DNPEP: variants seen among roughly 807,000 people sequenced by gnomAD.
The protein encoded by DNPEP is aspartyl aminopeptidase.
DNPEP carries 46 observed loss-of-function variants against 59.1 expected under a neutral mutation model. The observed-to-expected ratio is 0.78, with a 90% CI of 0.61 to 0.99. The LOEUF is 0.99. Among genes scored for constraint, DNPEP ranks in the 50% least tolerant of loss-of-function variants. DNPEP has a pLI of 0.00. For missense variants in DNPEP, 617 were observed against 649.9 expected (o/e 0.95, Z 0.55); for synonymous variants, 229 against 242.2 (o/e 0.95, Z 0.50).
intron 13 of DNPEP, 128 bp from the exon 14 acceptor site, chr2:219,375,150 G>T: frequency 1.0e-6 from 1 of 985,526 alleles, no homozygotes; most frequent in Non-Finnish European, 1.5e-6. Flanking sequence ...TAAAATCAAA[G>T]CCAATGCTAA....
chr2:219,387,083 G>A lies in DNPEP; in HGVS notation c.117C>T (p.Pro39=), dbSNP rs1274846773. The change falls in exon 2 of 15, where the codon CCC becomes CCT. Residue 39 remains proline, a synonymous_variant. Coordinates refer to ENST00000273075, the MANE Select transcript of DNPEP (RefSeq NM_012100.4). ...KELLKFVNRS[P]SPFHAVAECR... is the part of the protein sequence containing the mutation. ...GCCACCGCTTACCATGGAAAGGAGA[G>A]GGACTCCGGTTCACGAACTTGAGGA... The A allele has an allele frequency of 3.1e-6, 5 of 1,600,524 alleles. No individual in the cohort carries two copies. The highest frequency in any genetic ancestry group is 4.3e-6 in the Non-Finnish European group (5 of 1,172,848).
Position 219,386,111 on chromosome 2 carries a change from AG to A in DNPEP, c.460-14del. 6.2e-6 allele frequency: 10 copies of A among 1,613,280 alleles called. No homozygotes were observed. Among genetic ancestry groups the A allele is most frequent in the Non-Finnish European group, 8.5e-6 (10 of 1,179,434 alleles). ...CTGAGGTAGGGCACTGCAGCCAGCC[AG>A]GCCAGGTCAGCCCAGGGTGCCTCCT... On this transcript the variant is annotated splice_polypyrimidine_tract_variant and intron_variant, in intron 5 of 14. Transcript: ENST00000273075.
chr2:219,392,214 G>A (rs6751850), upstream of DNPEP, among the ~76,000 whole-genome samples: 150,183 of 152,348 alleles, frequency 0.99, 74,058 homozygotes, highest in East Asian at 1. Flanking sequence ...GGAAGATCTC[G>A]GCTGATGTTT....
rs116171690 is a variant in DNPEP at position 219,380,546 on chromosome 2, T to C, written c.1239+789A>G. Among the ~76,000 whole-genome samples the C allele has an allele frequency of 9.8e-3, 1,497 of 152,198 alleles. 10 individuals are homozygous for C. Among genetic ancestry groups the C allele is most frequent in the African/African-American group, 0.015 (607 of 41,538 alleles). On this transcript the variant is annotated intron_variant, in intron 13 of 14. Transcript: ENST00000273075. ...CTTCTGTACCTTTTCTATGTTTAGA[T>C]ACACTGACCATTTTGTTACAGTTAC...
intron 1 of DNPEP, among the ~76,000 whole-genome samples, chr2:219,397,200 C>CCCCCT (rs908426073): frequency 1.3e-5 from 2 of 151,390 alleles, no homozygotes; most frequent in East Asian, 3.9e-4. Flanking sequence ...CAGAGCCAGC[C>CCCCCT]CCCCTCCCCT....
At chr2:219,379,391 G>A (rs1559332973) in intron 13 of DNPEP, among the ~76,000 whole-genome samples, 1 of 152,178 alleles carries the variant, frequency 6.6e-6, no homozygotes, top group South Asian at 2.1e-4. Flanking sequence ...GTGGAAGACA[G>A]GGACATTGAT....
Position 219,382,064 on chromosome 2 carries a change from G to A in DNPEP, c.1012C>T (p.Gln338Ter), listed in dbSNP as rs778831010. The A allele has an allele frequency of 1.2e-6, 2 of 1,614,126 alleles. No homozygotes were observed. Among genetic ancestry groups the A allele is most frequent in the Non-Finnish European group, 1.7e-6 (2 of 1,180,042 alleles). Residue 338 changes from glutamine to a stop codon, truncating the protein, a stop_gained, in exon 11 of 15, where the codon CAG becomes TAG. Coordinates refer to ENST00000273075, the MANE Select transcript of DNPEP (RefSeq NM_012100.4). LOFTEE classifies it high-confidence loss of function. The part of the protein sequence containing the change: ...LVLRRISASC[Q>*]HPTAFEEAIP... Reference sequence around the variant, plus strand: ...GCTTCCTCGAAGGCTGTCGGGTGCTGGCACGAGGCTGAGATCCGCCGCAGC... The same window carrying A: ...GCTTCCTCGAAGGCTGTCGGGTGCTAGCACGAGGCTGAGATCCGCCGCAGC...
At chr2:219,383,055 A>T in intron 10 of DNPEP, 76 bp downstream of exon 10, 1 of 1,406,950 alleles carries the variant, frequency 7.1e-7, no homozygotes, top group Non-Finnish European at 1.0e-6. Flanking sequence ...GCCCTGGCTC[A>T]CGGTGGATGC....
At chr2:219,394,729 C>A (rs1176284073) in intron 1 of DNPEP, among the ~76,000 whole-genome samples, 1 of 152,212 alleles carries the variant, frequency 6.6e-6, no homozygotes, top group Non-Finnish European at 1.5e-5. Context: ...GATATCTCTT[C>A]TGAACTATAT....
At position 219,377,951 on chromosome 2, in the gene DNPEP, AC is replaced by A. The variant is rs200521375; in HGVS notation, c.1240-2930del. ...TTTTAAAAAAACATTAAAAAAAAAAACCAAACTCAAATAGAAAGGTGAAGAT... is the reference window on the plus strand; with the variant it reads ...TTTTAAAAAAACATTAAAAAAAAAAACAAACTCAAATAGAAAGGTGAAGAT... On this transcript the variant is annotated intron_variant, in intron 13 of 14. Transcript: ENST00000273075. Among the ~76,000 whole-genome samples the A allele has an allele frequency of 7.2e-3, 1,049 of 146,138 alleles. 10 individuals are homozygous for A. Among genetic ancestry groups the A allele is most frequent in the Middle Eastern group, 0.017 (5 of 290 alleles).
At chr2:219,381,622 G>T (rs1953606354) in intron 11 of DNPEP, 38 bp from the exon 12 acceptor site, 1 of 1,609,292 alleles carries the variant, frequency 6.2e-7, no homozygotes, top group African/African-American at 1.3e-5. Flanking sequence ...TAGCAAACAG[G>T]AGCAGGCCTG....
At position 219,387,109 on chromosome 2, in the gene DNPEP, G is replaced by A; in HGVS notation, c.91C>T (p.Leu31Phe). The change falls in exon 2 of 15, where the codon CTC becomes TTC. Residue 31 changes from leucine to phenylalanine, a missense_variant. Leu to Phe is a conservative substitution (Grantham distance 22). Transcript: ENST00000273075. ...GGACTCCGGTTCACGAACTTGAGGA[G>A]TTCCTTAGCCGCAGTCTGCACCGCC... ...KEAVQTAAKE[L>F]LKFVNRSPSP... The A allele has an allele frequency of 1.9e-6, 3 of 1,584,360 alleles. No individual in the cohort carries two copies. The highest frequency in any genetic ancestry group is 2.6e-6 in the Non-Finnish European group (3 of 1,163,874).
chr2:219,394,672 T>C (rs1372974166), intron 1 of DNPEP, among the ~76,000 whole-genome samples: 1 of 152,242 alleles, frequency 6.6e-6, no homozygotes, highest in Non-Finnish European at 1.5e-5. Context: ...TGACTTTAAA[T>C]AGTATCCATA....
chr2:219,395,938 T>C (rs913958567), intron 1 of DNPEP, among the ~76,000 whole-genome samples: 1 of 152,240 alleles, frequency 6.6e-6, no homozygotes. Context: ...AAACACTTAC[T>C]GAATTAAAGA....
In DNPEP at chr2:219,386,381, C is replaced by T. The variant is rs1410239979; in HGVS notation, c.364G>A (p.Gly122Ser). ...VKRRSRRSQV[G>S]FQQVGVETYG... ...GTCTCCACACCGACTTGCTGGAAGC[C>T]CACCTGGCTGCGGCGAGACCGACGT... The change falls in exon 5 of 15, where the codon GGC (glycine) becomes AGC (serine). Residue 122 changes from glycine to serine, a missense_variant. Physicochemically the swap from Gly to Ser is moderately conservative, Grantham distance 56. Coordinates refer to ENST00000273075, the MANE Select transcript of DNPEP (RefSeq NM_012100.4). 5.0e-6 allele frequency: 8 copies of T among 1,614,186 alleles called. No individual in the cohort carries two copies. The highest frequency in any genetic ancestry group is 1.1e-5 in the South Asian group (1 of 91,088).
rs1458436308 is a variant in DNPEP, at chr2:219,381,670, T to C, written c.1098-86A>G. 17 of 1,413,466 alleles carry C rather than the reference T, an allele frequency of 1.2e-5. No individual in the cohort carries two copies. The African/African-American group carries it at 1.7e-4, about 14-fold the overall frequency. The allele number at this position is 1,413,466 out of a possible 1,614,324, so 87.6% of individuals were successfully genotyped here. ...ACCCTCCCATGGCAGACATCACTAA[T>C]AGATCACCACTCTTTCCCGCCCAGC... is the stretch of plus-strand genomic sequence containing the variant. On this transcript the variant is annotated intron_variant, in intron 11 of 14. Coordinates refer to ENST00000273075, the MANE Select transcript of DNPEP (RefSeq NM_012100.4).
chr2:219,399,454 T>C (rs751809364), intron 1 of DNPEP: 4 of 460,662 alleles, frequency 8.7e-6, no homozygotes, highest in East Asian at 1.4e-4. Context: ...AACTCCTGAT[T>C]TGGAAGATTT....
chr2:219,379,567 T>C (rs1160084922), intron 13 of DNPEP, among the ~76,000 whole-genome samples: 1 of 152,184 alleles, frequency 6.6e-6, no homozygotes, highest in African/African-American at 2.4e-5. Flanking sequence ...TACTATGTGT[T>C]TGTGTTTTAA....
upstream of DNPEP, among the ~76,000 whole-genome samples, chr2:219,389,858 A>G (rs1953986784): frequency 6.6e-6 from 1 of 152,174 alleles, no homozygotes; most frequent in South Asian, 2.1e-4. Flanking sequence ...AAAATTATGT[A>G]TAAAGCTCAA....
Sources: allele counts gnomAD v4.1 joint callset (sites outside exome capture counted in the v4.1 genomes callset), GRCh38; gene constraint gnomAD v4.1.1; transcripts MANE v1.5; gene names NCBI Gene and HGNC (gene_info 2026-07-23, HGNC 2026-07-21).